Variants in ACTL6A observed in about 807,000 individuals in gnomAD.
The protein encoded by ACTL6A is actin-like protein 6A.
A neutral mutation model predicts 59.2 loss-of-function variants in ACTL6A; 5 were observed. The ratio of observed to expected loss-of-function variants is 0.08; its 90% CI spans 0.04 to 0.18. The LOEUF is 0.18. Among genes scored for constraint, ACTL6A ranks in the 10% least tolerant of loss-of-function variants. The pLI is 1.00. For missense variants in ACTL6A, 285 were observed against 526.9 expected (o/e 0.54, Z 4.49); for synonymous variants, 154 against 171.8 (o/e 0.90, Z 0.81).
intron 3 of ACTL6A, among the ~76,000 whole-genome samples, chr3:179,572,061 T>C (rs995472755): frequency 1.8e-4 from 28 of 151,946 alleles, no homozygotes; most frequent in African/African-American, 6.5e-4. Context: ...TAAACGGGAA[T>C]AAAAGGTTAT....
intron 1 of ACTL6A, among the ~76,000 whole-genome samples, chr3:179,569,218 G>A (rs12631988): frequency 0.09 from 13,756 of 152,140 alleles, 667 homozygotes; most frequent in South Asian, 0.17. Flanking sequence ...CACAGCTCCT[G>A]TCAGGTAGCC....
intron 13 of ACTL6A, chr3:179,586,834 A>C (rs1489899447): frequency 3.9e-6 from 2 of 518,906 alleles, no homozygotes; most frequent in African/African-American, 4.1e-5. Flanking sequence ...TTGTCAGCCT[A>C]ATTTCAATGT....
Position 179,588,055 on chromosome 3 carries a change from T to C in ACTL6A, c.*45T>C, listed in dbSNP as rs369088405. 1 of 1,428,594 alleles carries C rather than the reference T, an allele frequency of 7.0e-7. No individual in the cohort carries two copies. Among genetic ancestry groups the C allele is most frequent in the Non-Finnish European group, 9.6e-7 (1 of 1,041,554 alleles). The allele number at this position is 1,428,594 out of a possible 1,614,324, so 88.5% of individuals were successfully genotyped here. Reference sequence around the variant, plus strand: ...TACCTTCCTTTTGTCACCTTACGTTTCATAGCTTTAGTATACTCAGGAAAA... The same window carrying C: ...TACCTTCCTTTTGTCACCTTACGTTCCATAGCTTTAGTATACTCAGGAAAA... On this transcript the variant is annotated 3_prime_UTR_variant, in exon 14 of 14. Transcript: ENST00000429709.
rs540879560 is a variant in ACTL6A at position 179,580,089 on chromosome 3, CTAAAGA to C, written c.769-543_769-538del. 5.1e-4 allele frequency among the ~76,000 whole-genome samples: 77 copies of C among 152,188 alleles called. No individual in the cohort carries two copies. The East Asian group carries it at 0.014, about 27-fold the overall frequency. On this transcript the variant is annotated intron_variant, in intron 8 of 13. Coordinates refer to ENST00000429709, the MANE Select transcript of ACTL6A (RefSeq NM_004301.5). ...CATCCAGCTCTGACAGTTTTTGCAC[CTAAAGA>C]TAAAGATTTTGTCTGTGTGCACATG... is the stretch of plus-strand genomic sequence containing the variant.
chr3:179,569,800 G>C (rs1159474978), intron 1 of ACTL6A, 24 bp from the exon 2 acceptor site: 4 of 1,606,356 alleles, frequency 2.5e-6, no homozygotes, highest in Non-Finnish European at 3.4e-6. Context: ...AGCTGTTAAT[G>C]CTAATTATCT....
At chr3:179,579,883 C>G (rs559725333) in intron 8 of ACTL6A, among the ~76,000 whole-genome samples, 21 of 152,250 alleles carry the variant, frequency 1.4e-4, no homozygotes, top group Admixed American at 1.4e-3. Flanking sequence ...CCTGGGCTCC[C>G]CCTGCCTCAG....
chr3:179,579,489 C>CA (rs966245251), intron 8 of ACTL6A, among the ~76,000 whole-genome samples: 4 of 151,400 alleles, frequency 2.6e-5, no homozygotes, highest in East Asian at 3.9e-4. Context: ...CACACACACA[C>CA]ATTTTAAAGA....
chr3:179,570,404 A>G lies in ACTL6A; in HGVS notation c.277+163A>G. 1 of 624,554 alleles carries G rather than the reference A, an allele frequency of 1.6e-6. No individual in the cohort carries two copies. The highest frequency in any genetic ancestry group is 2.6e-6 in the Non-Finnish European group (1 of 380,756). 38.7% of individuals were successfully genotyped at this position (624,554 alleles called of 1,614,324 possible). Reference sequence around the variant, plus strand: ...AGACACTGAGAATACAAAGATGCATAAGAAATGTTCCTTTTCATTAAAAGC... The same window carrying G: ...AGACACTGAGAATACAAAGATGCATGAGAAATGTTCCTTTTCATTAAAAGC... On this transcript the variant is annotated intron_variant, in intron 3 of 13. Transcript: ENST00000429709. This position sits in a 1 kb window ranked among gnomAD's most constrained non-coding sequence, Gnocchi z 4.3.
rs987541852 is a variant in ACTL6A, at chr3:179,570,010, A to G, written c.103-57A>G. 8.2e-6 allele frequency: 13 copies of G among 1,584,810 alleles called. No individual in the cohort carries two copies. In the Admixed American group the frequency reaches 2.4e-4, roughly 29 times the overall value. ...TATAATAAAATACATTAATTGGGGA[A>G]AAAATGCCTTCTTGATGAAAGGTGA... On this transcript the variant is annotated intron_variant, in intron 2 of 13. Coordinates refer to ENST00000429709, the MANE Select transcript of ACTL6A (RefSeq NM_004301.5). The surrounding 1 kb of genome is among the most constrained non-coding windows in gnomAD (Gnocchi z 4.3).
At position 179,581,216 on chromosome 3, in the gene ACTL6A, G is replaced by C. The variant is rs1375834363; in HGVS notation, c.1022G>C (p.Arg341Thr). 1 of 1,610,620 alleles carries C rather than the reference G, an allele frequency of 6.2e-7. No individual in the cohort carries two copies. The highest frequency in any genetic ancestry group is 1.7e-5 in the Admixed American group (1 of 60,024). Residue 341 changes from arginine to threonine, a missense_variant, in exon 11 of 14, where the codon AGA becomes ACA. Coordinates refer to ENST00000429709, the MANE Select transcript of ACTL6A (RefSeq NM_004301.5). ...TSVGMCDIDIRPGLYGSVIVA... is the reference protein window; with the variant it reads ...TSVGMCDIDITPGLYGSVIVA... ...GTTGGGATGTGTGATATTGACATCA[G>C]ACCAGTAAGTGCCAGTCTCCTGTTA...
chr3:179,563,013 C>G lies in ACTL6A; in HGVS notation c.-80C>G. On this transcript the variant is annotated 5_prime_UTR_variant, in exon 1 of 14. Transcript: ENST00000429709. ...AAGTTAAGGGAGTCAGGGGCTATCG[C>G]TCCTCGAGACTCGCAGTCGCGGCCA... The G allele has an allele frequency of 1.3e-6, 2 of 1,568,642 alleles. No individual in the cohort carries two copies. Among genetic ancestry groups the G allele is most frequent in the Admixed American group, 1.7e-5 (1 of 57,342 alleles).
At chr3:179,565,191 C>T (rs1422376647) in intron 1 of ACTL6A, among the ~76,000 whole-genome samples, 1 of 151,926 alleles carries the variant, frequency 6.6e-6, no homozygotes, top group Non-Finnish European at 1.5e-5. Context: ...AATCCCAACA[C>T]CTTGGGAGGC....
intron 1 of ACTL6A, among the ~76,000 whole-genome samples, chr3:179,564,029 G>C (rs1368685935): frequency 1.3e-5 from 2 of 152,208 alleles, no homozygotes; most frequent in African/African-American, 4.8e-5. Context: ...AAATAATGCT[G>C]CATTTGCCAC....
At chr3:179,585,872 G>A (rs1718474645) in intron 12 of ACTL6A, among the ~76,000 whole-genome samples, 2 of 152,152 alleles carry the variant, frequency 1.3e-5, no homozygotes, top group South Asian at 4.1e-4. Context: ...AATTTGGAAG[G>A]AAATAGTATG....
At chr3:179,564,263 AG>A (rs1399758098) in intron 1 of ACTL6A, among the ~76,000 whole-genome samples, 1 of 152,216 alleles carries the variant, frequency 6.6e-6, no homozygotes, top group Non-Finnish European at 1.5e-5. Context: ...TACTGTGTCT[AG>A]TAGTGATGCT....
At chr3:179,584,456 C>A in intron 12 of ACTL6A, 1 of 152,244 alleles carries the variant, frequency 6.6e-6, no homozygotes, top group Non-Finnish European at 1.5e-5. Context: ...CCCATCTCTA[C>A]TAAGAATACA....
intron 1 of ACTL6A, among the ~76,000 whole-genome samples, chr3:179,565,508 A>G (rs750759547): frequency 6.8e-6 from 1 of 147,090 alleles, no homozygotes; most frequent in East Asian, 2.0e-4. Flanking sequence ...TGTCCTATAT[A>G]TACATATATA....
At chr3:179,580,010 C>T (rs775401154) in intron 8 of ACTL6A, among the ~76,000 whole-genome samples, 2 of 152,110 alleles carry the variant, frequency 1.3e-5, no homozygotes, top group African/African-American at 4.8e-5. Context: ...TGGCCTCAAG[C>T]GATCCTCCTG....
intron 3 of ACTL6A, among the ~76,000 whole-genome samples, chr3:179,572,761 T>C (rs1433992238): frequency 6.6e-6 from 1 of 151,926 alleles, no homozygotes; most frequent in Non-Finnish European, 1.5e-5. Context: ...GCTGAGATTG[T>C]GCCATTGCAC....
Sources: allele counts gnomAD v4.1 joint callset (sites outside exome capture counted in the v4.1 genomes callset), GRCh38; gene constraint gnomAD v4.1.1; non-coding constraint Gnocchi (gnomAD v3.1); transcripts MANE v1.5; gene names NCBI Gene and HGNC (gene_info 2026-07-23, HGNC 2026-07-21).